Variants in CCDC102B observed in about 807,000 individuals in gnomAD.
CCDC102B encodes coiled-coil domain containing 102B.
CCDC102B carries 75 observed loss-of-function variants against 57.4 expected under a neutral mutation model. The ratio of observed to expected loss-of-function variants is 1.31; its 90% confidence interval spans 1.08 to 1.58. The LOEUF (loss-of-function observed/expected upper bound fraction) is 1.58. CCDC102B is among the 40% of genes most tolerant of loss of function. The pLI, the probability that CCDC102B is intolerant of heterozygous loss-of-function variation, is 0.00. For synonymous variants in CCDC102B, 206 were observed against 201.9 expected (o/e 1.02, Z -0.17); for missense variants, 636 against 582.6 (o/e 1.09, Z -0.94).
chr18:68,757,855 C>A (rs1038528414), intron 2 of CCDC102B, among the ~76,000 whole-genome samples: 1 of 152,088 alleles, frequency 6.6e-6, no homozygotes, highest in Admixed American at 6.6e-5. Flanking sequence ...AGTGCATGAG[C>A]AAATCACATG....
chr18:68,908,577 A>G (rs1036633730), intron 6 of CCDC102B: 1 of 152,192 alleles, frequency 6.6e-6, no homozygotes, highest in African/African-American at 2.4e-5. Context: ...TACTTTCACC[A>G]TTAATAAAAA....
At chr18:68,939,269 T>G (rs117832626) in intron 6 of CCDC102B, among the ~76,000 whole-genome samples, 1 of 151,788 alleles carries the variant, frequency 6.6e-6, no homozygotes. Flanking sequence ...TTCCTTATTC[T>G]GATATCAGGG....
intron 6 of CCDC102B, among the ~76,000 whole-genome samples, chr18:68,972,361 G>A (rs868580765): frequency 6.6e-6 from 1 of 152,160 alleles, no homozygotes; most frequent in African/African-American, 2.4e-5. Flanking sequence ...GTCTGCAGAA[G>A]GGGTGTGCTT....
At chr18:68,743,850 G>GTTA (rs981979586) in intron 2 of CCDC102B, among the ~76,000 whole-genome samples, 1 of 152,154 alleles carries the variant, frequency 6.6e-6, no homozygotes, top group African/African-American at 2.4e-5. Context: ...AATTTGTCCA[G>GTTA]TTATTATTAT....
intron 5 of CCDC102B, among the ~76,000 whole-genome samples, chr18:68,889,809 T>C (rs892895194): frequency 1.3e-5 from 2 of 152,192 alleles, no homozygotes; most frequent in African/African-American, 4.8e-5. Context: ...CTAAAGCATT[T>C]TCTCTTTTAT....
chr18:68,765,165 A>G (rs1333005090), intron 2 of CCDC102B, among the ~76,000 whole-genome samples: 1 of 151,292 alleles, frequency 6.6e-6, no homozygotes, highest in African/African-American at 2.4e-5. Context: ...TTGAGGCTGC[A>G]ATAAGCTATA....
At chr18:68,758,438 T>C (rs1320684803) in intron 2 of CCDC102B, among the ~76,000 whole-genome samples, 1 of 152,092 alleles carries the variant, frequency 6.6e-6, no homozygotes, top group Non-Finnish European at 1.5e-5. Context: ...TAAAGAATTA[T>C]AATAGATTGT....
rs564122865 is a variant in CCDC102B at position 68,995,722 on chromosome 18, C to T, written c.1264-15212C>T. 2.0e-5 allele frequency among the ~76,000 whole-genome samples: 3 copies of T among 152,232 alleles called. No homozygotes were observed. In the East Asian group the frequency reaches 5.8e-4, roughly 30 times the overall value. ...ATGTAGAACATCTGCCAGGGCAGTG[C>T]AGAAGAAAAATGTGGGGTAAGAGCC... On this transcript the variant is annotated intron_variant, in intron 6 of 7. Coordinates refer to ENST00000360242, the MANE Select transcript of CCDC102B (RefSeq NM_024781.3).
chr18:68,832,694 A>G (rs1335629759), intron 1 of CCDC102B, among the ~76,000 whole-genome samples: 3 of 152,070 alleles, frequency 2.0e-5, no homozygotes, highest in African/African-American at 4.8e-5. Flanking sequence ...TAAGGGATCT[A>G]GAATTCTCAG....
At chr18:69,041,164 T>C (rs2052424520) in intron 7 of CCDC102B, among the ~76,000 whole-genome samples, 1 of 152,156 alleles carries the variant, frequency 6.6e-6, no homozygotes, top group African/African-American at 2.4e-5. Context: ...AAGTGTATTT[T>C]ATCTCTTATT....
chr18:68,799,657 A>G (rs938229881), intron 1 of CCDC102B, among the ~76,000 whole-genome samples: 9 of 152,310 alleles, frequency 5.9e-5, no homozygotes, highest in African/African-American at 1.9e-4. Flanking sequence ...CTTTAAAGAA[A>G]AGTTCAACTT....
intron 6 of CCDC102B, among the ~76,000 whole-genome samples, chr18:68,992,194 G>A (rs931829123): frequency 6.6e-6 from 1 of 152,026 alleles, no homozygotes; most frequent in South Asian, 2.1e-4. Flanking sequence ...AAGGGAGTTT[G>A]GACTTTTCAT....
intron 1 of CCDC102B, among the ~76,000 whole-genome samples, chr18:68,828,211 A>C (rs1568272723): frequency 6.6e-6 from 1 of 151,758 alleles, no homozygotes; most frequent in East Asian, 1.9e-4. Flanking sequence ...TGAACAATAC[A>C]ATCAACAAAT....
At chr18:68,845,500 G>C (rs976076859) in intron 3 of CCDC102B, among the ~76,000 whole-genome samples, 1 of 151,772 alleles carries the variant, frequency 6.6e-6, no homozygotes, top group Non-Finnish European at 1.5e-5. Context: ...TCCTAGAATT[G>C]AGGAATGAGG....
chr18:68,715,330 TGAATACC>T (rs1213292831), exon 1 of CCDC102B: 121 of 984,944 alleles, frequency 1.2e-4, no homozygotes, highest in Non-Finnish European at 1.5e-4. Context: ...TCCGGGAAGG[TGAATACC>T]GGTGAAAGTT....
intron 2 of CCDC102B, among the ~76,000 whole-genome samples, chr18:68,728,946 A>T (rs309230): frequency 0.1 from 15,683 of 151,932 alleles, 2,071 homozygotes; most frequent in African/African-American, 0.31. Context: ...ATTTTTTTTT[A>T]AAAAAGTTCA....
intron 5 of CCDC102B, among the ~76,000 whole-genome samples, chr18:68,882,626 T>C (rs141185096): frequency 2.0e-5 from 3 of 152,368 alleles, no homozygotes; most frequent in Non-Finnish European, 4.4e-5. Flanking sequence ...TCATATTTCA[T>C]TTAAACGTTT....
chr18:68,911,694 G>A (rs1390604267), intron 6 of CCDC102B, among the ~76,000 whole-genome samples: 1 of 130,588 alleles, frequency 7.7e-6, no homozygotes. Flanking sequence ...GGAGCTTGCA[G>A]TGAGCCGAGA....
upstream of CCDC102B, among the ~76,000 whole-genome samples, chr18:68,797,091 T>C (rs1177943879): frequency 3.3e-5 from 5 of 151,906 alleles, no homozygotes; most frequent in African/African-American, 4.8e-5. Context: ...CGTTCAAAGA[T>C]AGAGGAGAGA....
Sources: gnomAD v4.1 joint callset for allele counts (sites outside exome capture counted in the v4.1 genomes callset) on GRCh38, gnomAD v4.1.1 for gene constraint, MANE v1.5 for transcripts, NCBI Gene and HGNC (gene_info 2026-07-23, HGNC 2026-07-21) for gene names.